Variants in RNF213 observed in about 807,000 individuals in gnomAD.
The protein encoded by RNF213 is ring finger protein 213, also known as E3 ubiquitin-protein ligase RNF213.
A neutral mutation model predicts 514.4 loss-of-function variants in RNF213; 341 were observed. That is an observed-to-expected ratio of 0.66 (90% CI 0.61 to 0.73). RNF213 has a LOEUF of 0.73. Among genes scored for constraint, RNF213 ranks in the 30% least tolerant of loss-of-function variants. The probability of loss-of-function intolerance (pLI) is 0.00; values close to 1 mark genes in which losing one functional copy is unlikely to be tolerated. For missense variants in RNF213, 5,767 were observed against 6,615.6 expected (o/e 0.87, Z 4.45); for synonymous variants, 2,655 against 2,658.2 (o/e 1.00, Z 0.04).
In RNF213 at chr17:80,379,682, C is replaced by T. The variant is rs1474632617; in HGVS notation, c.13608C>T (p.Asp4536=). 15 of 1,614,228 alleles carry T rather than the reference C, an allele frequency of 9.3e-6. No homozygotes were observed. In the East Asian group the frequency reaches 2.7e-4, roughly 29 times the overall value. ...GCCATGCGCCGATTGGAGGCATTGACCACAAACCTCGGGACGGCTTTCATC... is the reference window on the plus strand; with the variant it reads ...GCCATGCGCCGATTGGAGGCATTGATCACAAACCTCGGGACGGCTTTCATC... The part of the protein sequence containing the change: ...IDCHAPIGGI[D]HKPRDGFHLV... Residue 4536 remains aspartate (D), a synonymous_variant, in exon 55 of 68, where the codon GAC becomes GAT. Transcript: ENST00000582970.
chr17:80,356,655 G>C lies in RNF213; in HGVS notation c.10863-1633G>C, dbSNP rs953656669. ...AGCAGAACCAGGCTCAGCGGCTCCA[G>C]ATAGGGCGGAACCAGGCTCGGCGGC... On this transcript the variant is annotated intron_variant, in intron 36 of 67. Transcript: ENST00000582970. Among the ~76,000 whole-genome samples the C allele has an allele frequency of 3.9e-5, 6 of 152,368 alleles. No homozygotes were observed. In the South Asian group the frequency reaches 1.0e-3, roughly 26 times the overall value.
chr17:80,358,949 C>CT (rs1176000412), intron 37 of RNF213, among the ~76,000 whole-genome samples: 2 of 152,130 alleles, frequency 1.3e-5, no homozygotes, highest in African/African-American at 4.8e-5. Context: ...TGAGAAATTT[C>CT]TGTTTTATCT....
Position 80,372,616 on chromosome 17 carries a change from A to C in RNF213, c.12633A>C (p.Ala4211=). 3.1e-6 allele frequency: 5 copies of C among 1,614,070 alleles called. No homozygotes were observed. Among genetic ancestry groups the C allele is most frequent in the Non-Finnish European group, 4.2e-6 (5 of 1,180,012 alleles). ...EGRFLKAYSP[A]SRGREPANEA... Reference sequence around the variant, plus strand: ...GTTTCCTTAAGGCATATTCTCCAGCAAGCCGGGGCCGAGAGCCTGCCAACG... The same window carrying C: ...GTTTCCTTAAGGCATATTCTCCAGCCAGCCGGGGCCGAGAGCCTGCCAACG... The change falls in exon 48 of 68, where the codon GCA becomes GCC. Residue 4211 remains alanine (A), a synonymous_variant. Transcript: ENST00000582970.
At position 80,372,221 on chromosome 17, in the gene RNF213, G is replaced by GT. The variant is rs1461945117; in HGVS notation, c.12537+236_12537+237insT. The stretch of plus-strand genomic sequence containing the variant: ...AGAATATACTGCCAAAGTTAACAGT[G>GT]GTTATCATTGAGTGGGGACATTATG... On this transcript the variant is annotated intron_variant, in intron 47 of 67. Coordinates refer to ENST00000582970, the MANE Select transcript of RNF213 (RefSeq NM_001256071.3). Among the ~76,000 whole-genome samples the GT allele has an allele frequency of 2.3e-4, 35 of 152,024 alleles. 1 individual carries two copies. Among genetic ancestry groups the GT allele is most frequent in the Admixed American group, 6.5e-4 (10 of 15,268 alleles).
intron 15 of RNF213, chr17:80,315,697 GTAGAGGTAA>G (rs2045894735): frequency 6.7e-6 from 1 of 150,232 alleles, no homozygotes; most frequent in Non-Finnish European, 1.5e-5. Context: ...GAAGGTGATG[GTAGAGGTAA>G]TGGAAGTGAT....
intron 19 of RNF213, 110 bp downstream of exon 19, chr17:80,328,099 G>A (rs2046325432): frequency 3.1e-6 from 4 of 1,293,520 alleles, no homozygotes; most frequent in Non-Finnish European, 1.1e-6. Context: ...TCTTAGCCTT[G>A]ATAATGAGTA....
chr17:80,358,275 T>C lies in RNF213; in HGVS notation c.10863-13T>C. 3 of 1,613,562 alleles carry C rather than the reference T, an allele frequency of 1.9e-6. No homozygotes were observed. The highest frequency in any genetic ancestry group is 2.5e-6 in the Non-Finnish European group (3 of 1,179,736). On this transcript the variant is annotated splice_polypyrimidine_tract_variant and intron_variant, in intron 36 of 67. Coordinates refer to ENST00000582970, the MANE Select transcript of RNF213 (RefSeq NM_001256071.3). Reference sequence around the variant, plus strand: ...TCTGACCCGTGGTGGCCCATCTCTCTTCTGTGCTGCAGGCACACCCTCTGG... The same window carrying C: ...TCTGACCCGTGGTGGCCCATCTCTCCTCTGTGCTGCAGGCACACCCTCTGG...
intron 11 of RNF213, among the ~76,000 whole-genome samples, chr17:80,305,309 G>C (rs1183201686): frequency 1.3e-5 from 2 of 151,468 alleles, no homozygotes; most frequent in Non-Finnish European, 2.9e-5. Context: ...CTCCCAAGTA[G>C]CTGGGATTAC....
chr17:80,384,915 A>C, intron 59 of RNF213, 124 bp from the exon 60 acceptor site: 1 of 1,018,584 alleles, frequency 9.8e-7, no homozygotes, highest in Admixed American at 1.8e-5. Flanking sequence ...GCTGCATCAC[A>C]GGAAATGACA....
Position 80,294,863 on chromosome 17 carries a change from A to G in RNF213, c.1615A>G (p.Ser539Gly), listed in dbSNP as rs2044875945. 6.2e-7 allele frequency: 1 copy of G among 1,614,116 alleles called. No individual in the cohort carries two copies. The highest frequency in any genetic ancestry group is 1.3e-5 in the African/African-American group (1 of 74,936). ...AAALMLDSTFSILQTWDTINL... is the reference protein window; with the variant it reads ...AAALMLDSTFGILQTWDTINL... ...TGCGCTCATGCTGGACAGCACCTTC[A>G]GCATCCTGCAGACCTGGGACACCAT... Residue 539 changes from serine (S) to glycine (G), a missense_variant, in exon 9 of 68, where the codon AGC (serine) becomes GGC (glycine). Physicochemically the swap from Ser to Gly is moderately conservative, Grantham distance 56. Transcript: ENST00000582970.
Position 80,353,337 on chromosome 17 carries a change from T to C in RNF213, c.10424-175T>C. The C allele has an allele frequency of 2.4e-6, 2 of 839,894 alleles. No homozygotes were observed. Among genetic ancestry groups the C allele is most frequent in the Non-Finnish European group, 3.8e-6 (2 of 521,322 alleles). The allele number at this position is 839,894 out of a possible 1,614,324, so 52.0% of individuals were successfully genotyped here. On this transcript the variant is annotated intron_variant, in intron 33 of 67. Transcript: ENST00000582970. This position sits in a 1 kb window ranked among gnomAD's most constrained non-coding sequence, Gnocchi z 5.0. ...AGAGCCCAGGCTGGAAGGAAGGGGCTGCCTTGGGGGCTGATCTTCATGACC... is the reference window on the plus strand; with the variant it reads ...AGAGCCCAGGCTGGAAGGAAGGGGCCGCCTTGGGGGCTGATCTTCATGACC...
At chr17:80,275,268 C>G (rs2044013456) in intron 3 of RNF213, among the ~76,000 whole-genome samples, 1 of 151,620 alleles carries the variant, frequency 6.6e-6, no homozygotes, top group African/African-American at 2.4e-5. Flanking sequence ...AAGGCCACCC[C>G]CAAGCCTGGA....
chr17:80,273,251 C>T lies in RNF213; in HGVS notation c.108C>T (p.Asn36=). The T allele has an allele frequency of 6.2e-7, 1 of 1,613,604 alleles. No individual in the cohort carries two copies. The highest frequency in any genetic ancestry group is 8.5e-7 in the Non-Finnish European group (1 of 1,179,956). The change falls in exon 3 of 68, where the codon AAC becomes AAT. Residue 36 remains asparagine, a synonymous_variant. Coordinates refer to ENST00000582970, the MANE Select transcript of RNF213 (RefSeq NM_001256071.3). ...PPAAPIADSE[N]NNSTMASASE... is the part of the protein sequence containing the mutation. ...CATCTGCCGTTACAGATTCTGAGAA[C>T]AATAACTCCACAATGGCGTCGGCCT...
chr17:80,353,152 GCCA>G lies in RNF213; in HGVS notation c.10423+96_10423+98del. On this transcript the variant is annotated intron_variant, in intron 33 of 67. Transcript: ENST00000582970. This position sits in a 1 kb window ranked among gnomAD's most constrained non-coding sequence, Gnocchi z 5.0. ...GCGTGCACATGGCACTAGGAGCAGG[GCCA>G]CCGTGTTTCGTCCCTCGGCAGGAGC... is the stretch of plus-strand genomic sequence containing the variant. 1.3e-6 allele frequency: 2 copies of G among 1,554,742 alleles called. No homozygotes were observed. The highest frequency in any genetic ancestry group is 1.8e-6 in the Non-Finnish European group (2 of 1,139,764).
rs770855081 is a variant in RNF213 at position 80,338,022 on chromosome 17, G to A, written c.4833+25G>A. Reference sequence around the variant, plus strand: ...GGTGAGGGCGCATCTTTGCAGTGGCGCTAAGCTGGTGGTGTCATCTCGTCC... The same window carrying A: ...GGTGAGGGCGCATCTTTGCAGTGGCACTAAGCTGGTGGTGTCATCTCGTCC... On this transcript the variant is annotated intron_variant, in intron 25 of 67. Coordinates refer to ENST00000582970, the MANE Select transcript of RNF213 (RefSeq NM_001256071.3). The A allele has an allele frequency of 4.5e-5, 69 of 1,537,012 alleles. No individual in the cohort carries two copies. The South Asian group carries it at 5.9e-4, about 13-fold the overall frequency.
rs139828251 is a variant in RNF213, at chr17:80,353,504, G to A, written c.10424-8G>A. 223 of 1,605,482 alleles carry A rather than the reference G, an allele frequency of 1.4e-4. 2 individuals are homozygous for A. The East Asian group carries it at 3.7e-3, about 27-fold the overall frequency. On this transcript the variant is annotated splice_polypyrimidine_tract_variant and splice_region_variant and intron_variant, in intron 33 of 67. Transcript: ENST00000582970. The surrounding 1 kb of genome is among the most constrained non-coding windows in gnomAD (Gnocchi z 5.0). ...GTGGTAACGCAATCACGTTTGCTTC[G>A]ACTGCAGTGGGCTTGGAACACCGGG...
In RNF213 at chr17:80,353,158, G is replaced by A. The variant is rs746536509; in HGVS notation, c.10423+99G>A. 2.7e-5 allele frequency: 41 copies of A among 1,525,794 alleles called. No homozygotes were observed. Among genetic ancestry groups the A allele is most frequent in the African/African-American group, 5.4e-5 (4 of 73,540 alleles). 94.5% of individuals were successfully genotyped at this position (1,525,794 alleles called of 1,614,324 possible). A position where few individuals can be genotyped will look rare whatever the true frequency, so the allele number is the denominator to read the frequency against. On this transcript the variant is annotated intron_variant, in intron 33 of 67. Coordinates refer to ENST00000582970, the MANE Select transcript of RNF213 (RefSeq NM_001256071.3). This position sits in a 1 kb window ranked among gnomAD's most constrained non-coding sequence, Gnocchi z 5.0. The stretch of plus-strand genomic sequence containing the variant: ...ACATGGCACTAGGAGCAGGGCCACC[G>A]TGTTTCGTCCCTCGGCAGGAGCTCG...
At chr17:80,333,110 G>A (rs1303578439) in intron 21 of RNF213, among the ~76,000 whole-genome samples, 2 of 151,210 alleles carry the variant, frequency 1.3e-5, no homozygotes, top group Non-Finnish European at 2.9e-5. Flanking sequence ...GTGCAGTGGC[G>A]CGATCTTGGC....
At chr17:80,284,786 A>T (rs1445357464) in intron 3 of RNF213, among the ~76,000 whole-genome samples, 2 of 151,944 alleles carry the variant, frequency 1.3e-5, no homozygotes, top group East Asian at 3.9e-4. Flanking sequence ...CCTGTGATCC[A>T]CCTGCTACTC....
Sources: allele counts gnomAD v4.1 joint callset (sites outside exome capture counted in the v4.1 genomes callset), GRCh38; gene constraint gnomAD v4.1.1; non-coding constraint Gnocchi (gnomAD v3.1); transcripts MANE v1.5; gene names NCBI Gene and HGNC (gene_info 2026-07-23, HGNC 2026-07-21).